Variants in AKAP19 observed in about 807,000 individuals in gnomAD.
AKAP19 encodes the protein small A-kinase anchoring protein.
the AKAP19 span, among the ~76,000 whole-genome samples, chr2:190,074,781 C>T: frequency 1.3e-5 from 2 of 152,096 alleles, no homozygotes; most frequent in Non-Finnish European, 2.9e-5. Flanking sequence ...GGTATTGGGA[C>T]AGAAAACTAG....
chr2:189,899,697 G>A, the AKAP19 span, among the ~76,000 whole-genome samples: 7 of 151,806 alleles, frequency 4.6e-5, no homozygotes, highest in Non-Finnish European at 1.0e-4. Flanking sequence ...TTGTCTATGC[G>A]ACTACTGTCT....
the AKAP19 span, among the ~76,000 whole-genome samples, chr2:189,945,881 A>G: frequency 6.6e-6 from 1 of 152,164 alleles, no homozygotes; most frequent in East Asian, 1.9e-4. Flanking sequence ...ATATGTCTGG[A>G]CTAATTTCTC....
At chr2:189,918,996 C>A in the AKAP19 span, among the ~76,000 whole-genome samples, 1 of 152,102 alleles carries the variant, frequency 6.6e-6, no homozygotes, top group African/African-American at 2.4e-5. Flanking sequence ...TAACCATGGT[C>A]CAAAAATATT....
chr2:190,009,573 T>C, the AKAP19 span, among the ~76,000 whole-genome samples: 27 of 152,158 alleles, frequency 1.8e-4, no homozygotes, highest in Non-Finnish European at 2.8e-4. Flanking sequence ...AAGGAAAGAT[T>C]AGGAATTTGA....
the AKAP19 span, among the ~76,000 whole-genome samples, chr2:190,150,686 C>G: frequency 6.6e-6 from 1 of 151,950 alleles, no homozygotes; most frequent in African/African-American, 2.4e-5. Context: ...GCAAACTGCT[C>G]TGTCCGGAGC....
At chr2:190,178,607 A>G in the AKAP19 span, among the ~76,000 whole-genome samples, 4 of 152,198 alleles carry the variant, frequency 2.6e-5, no homozygotes, top group African/African-American at 9.6e-5. This position sits in a 1 kb window ranked among gnomAD's most constrained non-coding sequence, Gnocchi z 6.3. Context: ...GGCCAGCCCT[A>G]TGATGGCGAA....
At chr2:190,176,351 T>C in the AKAP19 span, among the ~76,000 whole-genome samples, 1 of 152,018 alleles carries the variant, frequency 6.6e-6, no homozygotes. This position sits in a 1 kb window ranked among gnomAD's most constrained non-coding sequence, Gnocchi z 4.7. Flanking sequence ...GTATGAGACA[T>C]TTTCTTTTTT....
chr2:190,119,128 A>G, the AKAP19 span, among the ~76,000 whole-genome samples: 1 of 152,260 alleles, frequency 6.6e-6, no homozygotes, highest in Non-Finnish European at 1.5e-5. Context: ...ATTGCTTCAA[A>G]GAGAACACCA....
the AKAP19 span, among the ~76,000 whole-genome samples, chr2:190,172,858 A>T: frequency 6.6e-6 from 1 of 152,228 alleles, no homozygotes; most frequent in Non-Finnish European, 1.5e-5. Context: ...CACGCCTGGA[A>T]TCCCAGCACT....
chr2:189,978,203 A>G, the AKAP19 span, among the ~76,000 whole-genome samples: 1 of 152,236 alleles, frequency 6.6e-6, no homozygotes, highest in Non-Finnish European at 1.5e-5. Flanking sequence ...AATAGTGAAC[A>G]TAATACCCAT....
the AKAP19 span, among the ~76,000 whole-genome samples, chr2:190,024,065 A>G: frequency 6.6e-6 from 1 of 151,870 alleles, no homozygotes; most frequent in African/African-American, 2.4e-5. Flanking sequence ...CAGTAGATGC[A>G]ATAGTAAATG....
chr2:189,918,351 T>C, the AKAP19 span, among the ~76,000 whole-genome samples: 1 of 152,168 alleles, frequency 6.6e-6, no homozygotes, highest in Admixed American at 6.5e-5. Flanking sequence ...GTGGGCCTCC[T>C]AGTACCACAC....
At chr2:189,883,903 C>G in the AKAP19 span, among the ~76,000 whole-genome samples, 1 of 152,062 alleles carries the variant, frequency 6.6e-6, no homozygotes, top group East Asian at 1.9e-4. Context: ...CTGCAGAACC[C>G]TCTTGGAAAC....
chr2:189,889,245 T>G, the AKAP19 span, among the ~76,000 whole-genome samples: 1 of 152,230 alleles, frequency 6.6e-6, no homozygotes, highest in Non-Finnish European at 1.5e-5. Flanking sequence ...TTTATTGATT[T>G]ATATATATTG....
chr2:190,156,058 G>A, the AKAP19 span, among the ~76,000 whole-genome samples: 64 of 152,140 alleles, frequency 4.2e-4, no homozygotes, highest in African/African-American at 1.5e-3. Flanking sequence ...GGTGAGGAGT[G>A]ACCTGCCTCA....
chr2:189,891,570 C>T, the AKAP19 span, among the ~76,000 whole-genome samples: 1 of 152,050 alleles, frequency 6.6e-6, no homozygotes, highest in South Asian at 2.1e-4. Context: ...GCGCTCTCTT[C>T]TGGCTTGTTA....
chr2:190,157,365 T>TAGACACACAC, the AKAP19 span, among the ~76,000 whole-genome samples: 1 of 116,992 alleles, frequency 8.5e-6, no homozygotes, highest in African/African-American at 2.8e-5. Flanking sequence ...CCTAAACTTG[T>TAGACACACAC]ATACACACAC....
the AKAP19 span, among the ~76,000 whole-genome samples, chr2:189,943,458 C>CG: frequency 2.6e-5 from 4 of 152,216 alleles, no homozygotes; most frequent in Non-Finnish European, 4.4e-5. Flanking sequence ...CTGGGTGTCC[C>CG]GGCAGAAGCC....
the AKAP19 span, chr2:189,923,999 G>A: frequency 6.3e-7 from 1 of 1,594,116 alleles, no homozygotes; most frequent in Non-Finnish European, 8.6e-7. Context: ...TAAGTCAGAA[G>A]AGGAGCAGAG....
Sources: gnomAD v4.1 joint callset for allele counts (sites outside exome capture counted in the v4.1 genomes callset) on GRCh38, gnomAD v4.1.1 for gene constraint, Gnocchi (gnomAD v3.1) non-coding constraint, MANE v1.5 for transcripts, NCBI Gene and HGNC (gene_info 2026-07-23, HGNC 2026-07-21) for gene names.